The following MND1 variants were observed in gnomAD, a reference collection of about 807,000 sequenced individuals.
The protein encoded by MND1 is meiotic nuclear divisions 1.
A neutral mutation model predicts 35.1 loss-of-function variants in MND1; 28 were observed. That is an observed-to-expected ratio of 0.80 (90% CI 0.59 to 1.09). The LOEUF (loss-of-function observed/expected upper bound fraction) is 1.09. Ranked by LOEUF, MND1 falls within the 50% of genes least tolerant of loss-of-function variation. The pLI, the probability that MND1 is intolerant of heterozygous loss-of-function variation, is 0.00. For missense variants in MND1, 213 were observed against 239.6 expected (o/e 0.89, Z 0.73); for synonymous variants, 69 against 70.5 (o/e 0.98, Z 0.11).
At position 153,383,809 on chromosome 4, in the gene MND1, T is replaced by TA. The variant is rs574069900; in HGVS notation, c.277-10452dup. Among the ~76,000 whole-genome samples the TA allele has an allele frequency of 6.6e-4, 101 of 152,334 alleles. No homozygotes were observed. In the Middle Eastern group the frequency reaches 0.01, roughly 15 times the overall value. ...TCATATGGCTACATCTGATTTGAAG[T>TA]AGGCGGGGAAATACAGTTTCTTGTT... On this transcript the variant is annotated intron_variant, in intron 4 of 7. Transcript: ENST00000240488.
intron 6 of MND1, among the ~76,000 whole-genome samples, chr4:153,399,279 T>C (rs767365591): frequency 2.0e-5 from 3 of 152,204 alleles, no homozygotes; most frequent in Non-Finnish European, 4.4e-5. Flanking sequence ...TTCCACTCCA[T>C]GGTCCCTATT....
intron 4 of MND1, among the ~76,000 whole-genome samples, chr4:153,360,689 T>TA (rs1561058327): frequency 6.8e-6 from 1 of 148,054 alleles, no homozygotes; most frequent in Non-Finnish European, 1.5e-5. Flanking sequence ...AATAAATAAA[T>TA]ACTATAAATA....
chr4:153,372,673 A>G (rs978147426), intron 4 of MND1, among the ~76,000 whole-genome samples: 1 of 152,026 alleles, frequency 6.6e-6, no homozygotes, highest in African/African-American at 2.4e-5. Flanking sequence ...ACTATTCATT[A>G]GTTTGTATTT....
At chr4:153,382,565 G>T (rs1215924145) in intron 4 of MND1, among the ~76,000 whole-genome samples, 2 of 152,118 alleles carry the variant, frequency 1.3e-5, no homozygotes, top group Non-Finnish European at 2.9e-5. Context: ...AGCCTTTATG[G>T]CCAGGTACTC....
chr4:153,366,931 C>A (rs941871681), intron 4 of MND1, among the ~76,000 whole-genome samples: 5 of 152,084 alleles, frequency 3.3e-5, no homozygotes, highest in Non-Finnish European at 5.9e-5. Flanking sequence ...ATTGGGATTC[C>A]GTCTCAGGTA....
chr4:153,405,536 A>G (rs995887904), intron 6 of MND1, among the ~76,000 whole-genome samples: 8 of 110,798 alleles, frequency 7.2e-5, no homozygotes, highest in Non-Finnish European at 6.7e-5. Context: ...ACTCTGTCTC[A>G]AAAAGAAAAA....
chr4:153,361,990 T>C (rs1773507727), intron 4 of MND1, among the ~76,000 whole-genome samples: 1 of 152,226 alleles, frequency 6.6e-6, no homozygotes, highest in Admixed American at 6.5e-5. Context: ...TGTCTTTCCA[T>C]GTCTGTGATT....
chr4:153,347,569 A>G (rs1347429130), intron 1 of MND1, among the ~76,000 whole-genome samples: 1 of 152,192 alleles, frequency 6.6e-6, no homozygotes, highest in Non-Finnish European at 1.5e-5. Context: ...TCATGTTCTG[A>G]AGAAGTTTTT....
intron 4 of MND1, among the ~76,000 whole-genome samples, chr4:153,367,462 T>C (rs1458489255): frequency 6.6e-6 from 1 of 152,242 alleles, no homozygotes; most frequent in African/African-American, 2.4e-5. Context: ...TCAAAGTTCA[T>C]CTATGTTGTA....
intron 4 of MND1, among the ~76,000 whole-genome samples, chr4:153,359,801 T>G (rs1300421245): frequency 4.7e-5 from 7 of 149,368 alleles, no homozygotes; most frequent in Non-Finnish European, 7.4e-5. Flanking sequence ...TTTTTTTTTT[T>G]TGTGAGACGG....
At chr4:153,395,441 T>C (rs567782442) in intron 5 of MND1, among the ~76,000 whole-genome samples, 6 of 152,306 alleles carry the variant, frequency 3.9e-5, no homozygotes, top group African/African-American at 1.2e-4. Context: ...CCTGCAGATA[T>C]CAGAAGAGTT....
intron 4 of MND1, among the ~76,000 whole-genome samples, chr4:153,380,905 G>GTT (rs11426639): frequency 4.2e-4 from 62 of 147,438 alleles, no homozygotes; most frequent in Non-Finnish European, 6.5e-4. Context: ...AGACATCAGA[G>GTT]TTTTTTTTTT....
intron 4 of MND1, chr4:153,361,647 G>A (rs899537572): frequency 2.3e-6 from 1 of 426,028 alleles, no homozygotes; most frequent in Non-Finnish European, 4.6e-6. Context: ...AGACCATCCT[G>A]GCTAACACGG....
intron 7 of MND1, among the ~76,000 whole-genome samples, chr4:153,412,900 G>C (rs766690358): frequency 5.3e-5 from 8 of 150,286 alleles, no homozygotes; most frequent in Non-Finnish European, 1.0e-4. Flanking sequence ...TGCCTCCCGG[G>C]TTCAAGCGAT....
At position 153,358,527 on chromosome 4, in the gene MND1, G is replaced by T; in HGVS notation, c.181G>T (p.Asp61Tyr). 1 of 1,613,328 alleles carries T rather than the reference G, an allele frequency of 6.2e-7. No homozygotes were observed. Among genetic ancestry groups the T allele is most frequent in the Non-Finnish European group, 8.5e-7 (1 of 1,179,686 alleles). Residue 61 changes from aspartate to tyrosine, a missense_variant, in exon 4 of 8, where the codon GAC becomes TAC. Physicochemically the swap from Asp to Tyr is radical, Grantham distance 160. Coordinates refer to ENST00000240488, the MANE Select transcript of MND1 (RefSeq NM_032117.4). ...LQSLVDDGMV[D>Y]CERIGTSNYY... is the part of the protein sequence containing the mutation. Reference sequence around the variant, plus strand: ...AAGCTTAGTTGATGATGGTATGGTTGACTGTGAGAGGATCGGAACTTCTAA... The same window carrying T: ...AAGCTTAGTTGATGATGGTATGGTTTACTGTGAGAGGATCGGAACTTCTAA...
At chr4:153,345,489 A>G in intron 1 of MND1, 3 of 985,472 alleles carry the variant, frequency 3.0e-6, no homozygotes, top group Middle Eastern at 5.2e-4. Context: ...CTCGTGGGTC[A>G]TGATCAGTTA....
rs759455666 is a variant in MND1 at position 153,397,334 on chromosome 4, G to A, written c.466+1G>A. ...GATCCGCAAGTTGTGGAAGAAATAC[G>A]TAAGTTTGTGTCATACCTTAGGGAT... On this transcript the variant is annotated splice_donor_variant, in intron 6 of 7. Coordinates refer to ENST00000240488, the MANE Select transcript of MND1 (RefSeq NM_032117.4). LOFTEE classifies it high-confidence loss of function. 23 of 1,600,892 alleles carry A rather than the reference G, an allele frequency of 1.4e-5. No homozygotes were observed. In the Admixed American group the frequency reaches 3.2e-4, roughly 22 times the overall value.
At chr4:153,408,880 A>G (rs1729593132) in intron 6 of MND1, 91 bp from the exon 7 acceptor site, 5 of 313,730 alleles carry the variant, frequency 1.6e-5, no homozygotes, top group Non-Finnish European at 2.5e-5. Context: ...GAAAAAATAC[A>G]AATGTATACA....
intron 1 of MND1, among the ~76,000 whole-genome samples, chr4:153,349,505 C>T (rs911995042): frequency 3.3e-5 from 5 of 152,168 alleles, no homozygotes; most frequent in African/African-American, 1.2e-4. Context: ...TGCCAATCCC[C>T]CTACATACTT....
Sources: gnomAD v4.1 joint callset for allele counts (sites outside exome capture counted in the v4.1 genomes callset) on GRCh38, gnomAD v4.1.1 for gene constraint, MANE v1.5 for transcripts, NCBI Gene and HGNC (gene_info 2026-07-23, HGNC 2026-07-21) for gene names.